The following ZBTB2 variants were observed in gnomAD, a reference collection of about 807,000 sequenced individuals.
ZBTB2 encodes zinc finger and BTB domain containing 2.
In ZBTB2, 2 loss-of-function variants were observed where a neutral mutation model predicts 39.5. The observed-to-expected ratio is 0.05, with a 90% CI of 0.02 to 0.16. The LOEUF (loss-of-function observed/expected upper bound fraction) is 0.16, where lower values mean the gene tolerates loss of function less well. ZBTB2 is among the 10% of genes least tolerant of loss of function. The pLI is 1.00. For missense variants in ZBTB2, 391 were observed against 653.0 expected, an observed-to-expected ratio of 0.60 and a Z score of 4.37; for synonymous variants, 251 against 256.6, an observed-to-expected ratio of 0.98 and a Z score of 0.21.
chr6:151,390,704 G>C (rs1421225017), intron 1 of ZBTB2, among the ~76,000 whole-genome samples: 1 of 151,840 alleles, frequency 6.6e-6, no homozygotes, highest in African/African-American at 2.4e-5. Flanking sequence ...AGCCGCTGCA[G>C]CTGGGAGAAG....
chr6:151,373,438 T>G (rs763151314), intron 2 of ZBTB2, 27 bp downstream of exon 2: 1 of 1,613,358 alleles, frequency 6.2e-7, no homozygotes, highest in Non-Finnish European at 8.5e-7. Context: ...CTACAGTCAT[T>G]AGGTTATTAG....
At chr6:151,374,930 T>TAAAAAAAAAAAAAAAAAAAA (rs71556221) in intron 1 of ZBTB2, among the ~76,000 whole-genome samples, 5 of 63,840 alleles carry the variant, frequency 7.8e-5, no homozygotes, top group African/African-American at 1.1e-4. Context: ...CCGTCTCTAC[T>TAAAAAAAAAAAAAAAAAAAA]AAAAAAAAAA....
chr6:151,377,127 T>G (rs2114867171), intron 1 of ZBTB2, among the ~76,000 whole-genome samples: 1 of 151,152 alleles, frequency 6.6e-6, no homozygotes, highest in East Asian at 2.0e-4. Context: ...TGTGTGAAAA[T>G]TATGGAAAGG....
chr6:151,366,499 C>A lies in ZBTB2; in HGVS notation c.567G>T (p.Arg189=), dbSNP rs757219399. ...GGGGGTCTGAGGGAGTCATATTTGTCCGATTCACCTGGGCCAGATTTGAAG... is the reference window on the plus strand; with the variant it reads ...GGGGGTCTGAGGGAGTCATATTTGTACGATTCACCTGGGCCAGATTTGAAG... ...QLTSNLAQVN[R]TNMTPSDPLQ... Residue 189 remains arginine (R), a synonymous_variant, in exon 3 of 3, where the codon CGG becomes CGT. Transcript: ENST00000325144. This position sits in a 1 kb window ranked among gnomAD's most constrained non-coding sequence, Gnocchi z 7.1. 3.7e-6 allele frequency: 6 copies of A among 1,614,110 alleles called. No homozygotes were observed. The South Asian group carries it at 6.6e-5, about 18-fold the overall frequency.
At position 151,374,769 on chromosome 6, in the gene ZBTB2, G is replaced by A. The variant is rs547811126; in HGVS notation, c.-12-1120C>T. ...AATTGTCACTATTTGCAGATGACAC[G>A]ATTGTAACACAGAAAGTCCCAAGGC... is the stretch of plus-strand genomic sequence containing the variant. On this transcript the variant is annotated intron_variant, in intron 1 of 2. Coordinates refer to ENST00000325144, the MANE Select transcript of ZBTB2 (RefSeq NM_020861.3). Among the ~76,000 whole-genome samples, 7 of 147,334 alleles carry A rather than the reference G, an allele frequency of 4.8e-5. No individual in the cohort carries two copies. The East Asian group carries it at 1.4e-3, about 29-fold the overall frequency.
intron 1 of ZBTB2, among the ~76,000 whole-genome samples, chr6:151,390,445 C>T (rs1232064452): frequency 6.7e-6 from 1 of 149,646 alleles, no homozygotes; most frequent in Non-Finnish European, 1.5e-5. Flanking sequence ...CCCGCGTGCG[C>T]GCGCGCGCTC....
At chr6:151,373,154 CAAAAAAAAAAAAAAAAAA>C (rs58019601) in intron 2 of ZBTB2, among the ~76,000 whole-genome samples, 398 of 27,854 alleles carry the variant, frequency 0.014, 7 homozygotes, top group Admixed American at 0.035. Context: ...GACTCCGTCT[CAAAAAAAAAAAAAAAAAA>C]AAAAAAAAAA....
intron 1 of ZBTB2, among the ~76,000 whole-genome samples, chr6:151,379,637 G>GA (rs61085296): frequency 0.019 from 1,262 of 65,484 alleles, 22 homozygotes; most frequent in Non-Finnish European, 0.027. Flanking sequence ...GACCCTGTCT[G>GA]AAAAAAAAAA....
Position 151,365,397 on chromosome 6 carries a change from G to C in ZBTB2, c.*124C>G. The C allele has an allele frequency of 2.7e-6, 3 of 1,126,488 alleles. No individual in the cohort carries two copies. The highest frequency in any genetic ancestry group is 3.8e-6 in the Non-Finnish European group (3 of 792,876). The allele number at this position is 1,126,488 out of a possible 1,614,324, so 69.8% of individuals were successfully genotyped here. On this transcript the variant is annotated 3_prime_UTR_variant, in exon 3 of 3. Coordinates refer to ENST00000325144, the MANE Select transcript of ZBTB2 (RefSeq NM_020861.3). This position sits in a 1 kb window ranked among gnomAD's most constrained non-coding sequence, Gnocchi z 5.6. ...GGTGGGGCTGGGATGTGGAAAAGGGGAAGAGGAGAAGAGAACAAGGACCTG... is the reference window on the plus strand; with the variant it reads ...GGTGGGGCTGGGATGTGGAAAAGGGCAAGAGGAGAAGAGAACAAGGACCTG...
At chr6:151,383,209 C>T (rs576848023) in intron 1 of ZBTB2, among the ~76,000 whole-genome samples, 19 of 152,104 alleles carry the variant, frequency 1.2e-4, no homozygotes, top group Middle Eastern at 3.4e-3. Flanking sequence ...CGTGAGCCAC[C>T]GCACCAGGCC....
chr6:151,365,535 C>G lies in ZBTB2; in HGVS notation c.1531G>C (p.Val511Leu), dbSNP rs560530881. The change falls in exon 3 of 3, where the codon GTC becomes CTC. Residue 511 changes from valine to leucine, a missense_variant. Transcript: ENST00000325144. This position sits in a 1 kb window ranked among gnomAD's most constrained non-coding sequence, Gnocchi z 5.6. ...ATAAGTGACATTCAGTCTAGTAAGA[C>G]GGTTTCTTGTTCCTTTTTGATGGAA... is the stretch of plus-strand genomic sequence containing the variant. ...LASIKKEQET[V>L]LLD The G allele has an allele frequency of 6.2e-7, 1 of 1,610,002 alleles. No individual in the cohort carries two copies. Among genetic ancestry groups the G allele is most frequent in the Admixed American group, 1.7e-5 (1 of 59,202 alleles).
intron 1 of ZBTB2, among the ~76,000 whole-genome samples, chr6:151,384,454 C>T (rs1170595452): frequency 6.6e-6 from 1 of 152,088 alleles, no homozygotes; most frequent in Non-Finnish European, 1.5e-5. Context: ...ATGATGGACC[C>T]AGGTGGTACT....
At position 151,373,154 on chromosome 6, in the gene ZBTB2, CAAAAAAAAAAAAAAAAAAA is replaced by C. The variant is rs58019601; in HGVS notation, c.173+292_173+310del. On this transcript the variant is annotated intron_variant, in intron 2 of 2. Coordinates refer to ENST00000325144, the MANE Select transcript of ZBTB2 (RefSeq NM_020861.3). The stretch of plus-strand genomic sequence containing the variant: ...TAGGCGACAGAGAGAGACTCCGTCT[CAAAAAAAAAAAAAAAAAAA>C]AAAAAAAAAAAAAAAAAATGGACCT... 3.6e-3 allele frequency among the ~76,000 whole-genome samples: 99 copies of C among 27,858 alleles called. 2 individuals carry two copies. The highest frequency in any genetic ancestry group is 7.3e-3 in the Admixed American group (9 of 1,238). 18.3% of individuals were successfully genotyped at this position (27,858 alleles called of 152,430 possible).
intron 1 of ZBTB2, among the ~76,000 whole-genome samples, chr6:151,374,793 G>C (rs1778864838): frequency 1.5e-5 from 2 of 131,102 alleles, no homozygotes; most frequent in South Asian, 4.7e-4. Context: ...AAGTCCCAAG[G>C]CATCTATTAA....
chr6:151,380,502 C>T (rs1216313457), intron 1 of ZBTB2, among the ~76,000 whole-genome samples: 1 of 152,244 alleles, frequency 6.6e-6, no homozygotes, highest in Non-Finnish European at 1.5e-5. Context: ...TCGTGGATGG[C>T]TTGGCTGAGG....
chr6:151,387,483 T>TA (rs1417745022), intron 1 of ZBTB2, among the ~76,000 whole-genome samples: 3 of 152,142 alleles, frequency 2.0e-5, no homozygotes, highest in Admixed American at 1.3e-4. Flanking sequence ...AGACCACACT[T>TA]AGACAAGCGC....
chr6:151,390,759 C>T (rs1779277652), intron 1 of ZBTB2, among the ~76,000 whole-genome samples: 1 of 151,138 alleles, frequency 6.6e-6, no homozygotes, highest in African/African-American at 2.4e-5. Context: ...GATCCCTCCC[C>T]TCCCCCTCCC....
At chr6:151,390,942 G>A (rs1398773744) in intron 1 of ZBTB2, among the ~76,000 whole-genome samples, 1 of 151,008 alleles carries the variant, frequency 6.6e-6, no homozygotes, top group Non-Finnish European at 1.5e-5. Flanking sequence ...CGCCCAGGGC[G>A]CACTTCGCGG....
At chr6:151,372,594 C>T (rs1174939734) in intron 2 of ZBTB2, among the ~76,000 whole-genome samples, 1 of 152,094 alleles carries the variant, frequency 6.6e-6, no homozygotes, top group Non-Finnish European at 1.5e-5. Flanking sequence ...TTTCCAGAGA[C>T]ACTGAGATGC....
Sources: allele counts gnomAD v4.1 joint callset (sites outside exome capture counted in the v4.1 genomes callset), GRCh38; gene constraint gnomAD v4.1.1; non-coding constraint Gnocchi (gnomAD v3.1); transcripts MANE v1.5; gene names NCBI Gene and HGNC (gene_info 2026-07-23, HGNC 2026-07-21).